HCN1: variants seen among roughly 807,000 people sequenced by gnomAD.
The protein encoded by HCN1 is potassium/sodium hyperpolarization-activated cyclic nucleotide-gated channel 1.
In HCN1, 13 loss-of-function variants were observed where a neutral mutation model predicts 78.9. That is an observed-to-expected ratio of 0.16 (90% CI 0.11 to 0.26). HCN1 has a LOEUF of 0.26. Ranked by LOEUF, HCN1 falls within the 10% of genes least tolerant of loss-of-function variation. HCN1 has a pLI of 1.00. For missense variants in HCN1, 810 were observed against 1,154.3 expected (o/e 0.70, Z 4.32); for synonymous variants, 552 against 455.5 (o/e 1.21, Z -2.70).
chr5:45,512,910 A>T (rs1341267097), intron 2 of HCN1, among the ~76,000 whole-genome samples: 1 of 152,192 alleles, frequency 6.6e-6, no homozygotes, highest in Admixed American at 6.6e-5. Flanking sequence ...AATATTTAAT[A>T]GAAAAAAATC....
chr5:45,612,546 A>C (rs1744858723), intron 2 of HCN1, among the ~76,000 whole-genome samples: 1 of 152,170 alleles, frequency 6.6e-6, no homozygotes, highest in Non-Finnish European at 1.5e-5. Context: ...ATACCATTAA[A>C]TATTGGTTTC....
intron 2 of HCN1, among the ~76,000 whole-genome samples, chr5:45,546,867 A>ATACTTTACTTATTAGAAAAGTAT: frequency 6.6e-6 from 1 of 151,990 alleles, no homozygotes; most frequent in East Asian, 1.9e-4. Context: ...CACGAGTAGA[A>ATACTTTACTTATTAGAAAAGTAT]TACTTTACTT....
chr5:45,632,896 G>GAATA (rs1331303057), intron 2 of HCN1, among the ~76,000 whole-genome samples: 1 of 152,052 alleles, frequency 6.6e-6, no homozygotes, highest in Non-Finnish European at 1.5e-5. Context: ...GAAGCATTTT[G>GAATA]AATAAGGTAA....
intron 4 of HCN1, among the ~76,000 whole-genome samples, chr5:45,374,250 C>T (rs1396518918): frequency 3.4e-5 from 4 of 119,276 alleles, no homozygotes; most frequent in African/African-American, 1.3e-4. Flanking sequence ...ATATTATGTA[C>T]ATTATATACA....
intron 2 of HCN1, among the ~76,000 whole-genome samples, chr5:45,556,350 G>C (rs535096286): frequency 6.6e-6 from 1 of 152,016 alleles, no homozygotes; most frequent in Admixed American, 6.6e-5. Flanking sequence ...GGCATAAAAA[G>C]TGAGAACCTA....
chr5:45,352,090 G>A (rs530460339), intron 5 of HCN1, among the ~76,000 whole-genome samples: 1 of 152,144 alleles, frequency 6.6e-6, no homozygotes, highest in African/African-American at 2.4e-5. Context: ...TGTTTATTGC[G>A]GCACTATTCC....
chr5:45,338,015 T>A (rs1166274349), intron 5 of HCN1, among the ~76,000 whole-genome samples: 1 of 152,298 alleles, frequency 6.6e-6, no homozygotes, highest in South Asian at 2.1e-4. Context: ...GTATGAGGTT[T>A]TTGTAAGAGG....
chr5:45,594,702 T>A (rs1204177157), intron 2 of HCN1, among the ~76,000 whole-genome samples: 1 of 152,220 alleles, frequency 6.6e-6, no homozygotes, highest in African/African-American at 2.4e-5. Flanking sequence ...TCTAGTACAA[T>A]ATCCAGATTT....
At chr5:45,283,372 G>A (rs922389033) in intron 6 of HCN1, among the ~76,000 whole-genome samples, 2 of 152,040 alleles carry the variant, frequency 1.3e-5, no homozygotes, top group Admixed American at 6.6e-5. Context: ...CAGAATGGGA[G>A]AAAATTTTTG....
At chr5:45,461,131 T>C (rs1210947643) in intron 3 of HCN1, among the ~76,000 whole-genome samples, 3 of 151,900 alleles carry the variant, frequency 2.0e-5, no homozygotes, top group South Asian at 4.1e-4. Context: ...ATATAAAATA[T>C]ATATAGAGAG....
chr5:45,676,008 A>T (rs1044710209), intron 1 of HCN1, among the ~76,000 whole-genome samples: 1 of 151,810 alleles, frequency 6.6e-6, no homozygotes, highest in African/African-American at 2.4e-5. Context: ...GATCAAGACA[A>T]ATATGGAACT....
chr5:45,383,154 C>T (rs1747842178), intron 4 of HCN1, among the ~76,000 whole-genome samples: 1 of 152,124 alleles, frequency 6.6e-6, no homozygotes, highest in South Asian at 2.1e-4. Flanking sequence ...TGGGATTTAA[C>T]ATTTTTCAGT....
chr5:45,372,637 T>TC (rs71000629), intron 4 of HCN1, among the ~76,000 whole-genome samples: 1 of 129,946 alleles, frequency 7.7e-6, no homozygotes, highest in Admixed American at 8.3e-5. Context: ...ATAAAACATT[T>TC]TATATAAAAA....
chr5:45,642,859 G>C (rs573452012), intron 2 of HCN1: 1 of 152,180 alleles, frequency 6.6e-6, no homozygotes, highest in Non-Finnish European at 1.5e-5. Context: ...TTATGACTCT[G>C]TTTCTTCCCT....
intron 2 of HCN1, among the ~76,000 whole-genome samples, chr5:45,603,060 T>C (rs1744655491): frequency 6.6e-6 from 1 of 152,138 alleles, no homozygotes; most frequent in Non-Finnish European, 1.5e-5. Context: ...TAATTATTTC[T>C]TATAGTTCGA....
At chr5:45,387,613 GCTTAAGAGAAGATAGCAATTTCGC>G (rs1247335003) in intron 4 of HCN1, among the ~76,000 whole-genome samples, 1 of 151,720 alleles carries the variant, frequency 6.6e-6, no homozygotes, top group Non-Finnish European at 1.5e-5. Flanking sequence ...CTAACAGATG[GCTTAAGAGAAGATAGCAATTTCGC>G]CCTACATTTT....
intron 2 of HCN1, among the ~76,000 whole-genome samples, chr5:45,469,248 A>C (rs1741339000): frequency 6.6e-6 from 1 of 151,944 alleles, no homozygotes; most frequent in African/African-American, 2.4e-5. Context: ...CATGCCCAGG[A>C]AAAACGAAAG....
At chr5:45,373,372 AT>A (rs1490048807) in intron 4 of HCN1, among the ~76,000 whole-genome samples, 1 of 116,698 alleles carries the variant, frequency 8.6e-6, no homozygotes, top group Non-Finnish European at 1.6e-5. Context: ...TATAATATAT[AT>A]TTTATATAAT....
intron 5 of HCN1, among the ~76,000 whole-genome samples, chr5:45,326,012 A>T (rs1181745186): frequency 1.3e-5 from 2 of 151,642 alleles, no homozygotes; most frequent in Non-Finnish European, 3.0e-5. Context: ...ATGAATTGAC[A>T]TAAGATGCCT....
Sources: allele counts gnomAD v4.1 joint callset (sites outside exome capture counted in the v4.1 genomes callset), GRCh38; gene constraint gnomAD v4.1.1; transcripts MANE v1.5; gene names NCBI Gene and HGNC (gene_info 2026-07-23, HGNC 2026-07-21).